The following EFCAB8 variants were observed in gnomAD, a reference collection of about 807,000 sequenced individuals.
EFCAB8 encodes the protein EF-hand calcium binding domain 8, also known as EF-hand calcium-binding domain-containing protein 8.
In EFCAB8, 100 loss-of-function variants were observed where a neutral mutation model predicts 116.3. The observed-to-expected ratio is 0.86, with a 90% CI of 0.73 to 1.02. The LOEUF is 1.02. Ranked by LOEUF, EFCAB8 falls within the 50% of genes least tolerant of loss-of-function variation. The pLI is 0.00. For synonymous variants in EFCAB8, 558 were observed against 567.9 expected, an observed-to-expected ratio of 0.98 and a Z score of 0.25; for missense variants, 1,320 against 1,416.9, an observed-to-expected ratio of 0.93 and a Z score of 1.10.
intron 7 of EFCAB8, among the ~76,000 whole-genome samples, chr20:32,889,958 G>A (rs1985831115): frequency 1.4e-5 from 2 of 146,662 alleles, no homozygotes; most frequent in Non-Finnish European, 3.0e-5. Context: ...CTGAGATCGC[G>A]CCATTGCACT....
chr20:32,878,763 C>G lies in EFCAB8; in HGVS notation c.387C>G (p.Ser129Arg), dbSNP rs1335365475. The stretch of plus-strand genomic sequence containing the variant: ...AGGGAAAAGAGGACATGCGAAAGAG[C>G]CAGTACCGCCTGCACTTCTACCTTC... ...EFQGKEDMRK[S>R]QYRLHFYLPM... Residue 129 changes from serine (S) to arginine (R), a missense_variant, in exon 5 of 27, where the codon AGC becomes AGG. Transcript: ENST00000400522. 6.4e-7 allele frequency: 1 copy of G among 1,552,062 alleles called. No individual in the cohort carries two copies. The highest frequency in any genetic ancestry group is 2.0e-5 in the Admixed American group (1 of 50,996).
At chr20:32,921,636 C>T (rs1041352656) in intron 20 of EFCAB8, among the ~76,000 whole-genome samples, 1 of 151,134 alleles carries the variant, frequency 6.6e-6, no homozygotes, top group East Asian at 1.9e-4. Flanking sequence ...ATATCTCACT[C>T]ACCCTATCCC....
chr20:32,900,508 G>A (rs898810876), intron 11 of EFCAB8, among the ~76,000 whole-genome samples: 4 of 151,812 alleles, frequency 2.6e-5, no homozygotes, highest in African/African-American at 7.3e-5. Flanking sequence ...CTACAGGCAC[G>A]TGCCCCCGTG....
At chr20:32,900,404 AGGCT>A (rs1386924491) in intron 11 of EFCAB8, among the ~76,000 whole-genome samples, 1 of 152,092 alleles carries the variant, frequency 6.6e-6, no homozygotes, top group Non-Finnish European at 1.5e-5. Context: ...TTGTGTCACC[AGGCT>A]GGAGTGCAGT....
At chr20:32,939,047 TTC>T (rs1176147315) in intron 22 of EFCAB8, among the ~76,000 whole-genome samples, 5 of 128,488 alleles carry the variant, frequency 3.9e-5, no homozygotes, top group African/African-American at 8.5e-5. Flanking sequence ...CTTCCTTCGT[TTC>T]TCTCTTTCTT....
chr20:32,939,200 T>C (rs866657587), intron 22 of EFCAB8, among the ~76,000 whole-genome samples: 169 of 73,986 alleles, frequency 2.3e-3, no homozygotes, highest in Non-Finnish European at 3.8e-3. Context: ...TCTTTCTTTC[T>C]TTCCTCTCTC....
intron 9 of EFCAB8, among the ~76,000 whole-genome samples, chr20:32,894,096 G>A (rs1175826772): frequency 6.6e-6 from 1 of 152,190 alleles, no homozygotes; most frequent in African/African-American, 2.4e-5. Flanking sequence ...GGCCGCCTAG[G>A]GAACTCATCT....
chr20:32,950,690 A>G (rs1988771252), intron 23 of EFCAB8, among the ~76,000 whole-genome samples: 1 of 152,064 alleles, frequency 6.6e-6, no homozygotes, highest in Non-Finnish European at 1.5e-5. Context: ...TCCCTATCTT[A>G]GTGCACCTGA....
At chr20:32,939,010 C>CTCCT (rs1283182066) in intron 22 of EFCAB8, among the ~76,000 whole-genome samples, 45 of 111,646 alleles carry the variant, frequency 4.0e-4, no homozygotes, top group African/African-American at 1.7e-3. Context: ...CCCTCCTTCC[C>CTCCT]TCCTTCCCTC....
chr20:32,917,800 C>T (rs986353558), intron 18 of EFCAB8, among the ~76,000 whole-genome samples: 4 of 152,222 alleles, frequency 2.6e-5, no homozygotes, highest in Non-Finnish European at 4.4e-5. Context: ...GCTGGTCCTC[C>T]ATCTTTAGTA....
At chr20:32,892,340 A>G in intron 8 of EFCAB8, 43 bp downstream of exon 8, 3 of 1,516,424 alleles carry the variant, frequency 2.0e-6, no homozygotes, top group Non-Finnish European at 2.7e-6. Context: ...CAGGAGGCCC[A>G]GGCCTCCTGC....
intron 23 of EFCAB8, among the ~76,000 whole-genome samples, chr20:32,956,960 T>C (rs199937241): frequency 1.6e-5 from 2 of 128,784 alleles, no homozygotes; most frequent in Non-Finnish European, 3.4e-5. Context: ...TTTTTTTTCA[T>C]TTTTTTTCAA....
intron 14 of EFCAB8, among the ~76,000 whole-genome samples, chr20:32,908,840 G>T (rs538275465): frequency 6.6e-6 from 1 of 152,344 alleles, no homozygotes; most frequent in South Asian, 2.1e-4. Context: ...CGTCCGAGCA[G>T]CATCTCTGCA....
In EFCAB8 at chr20:32,961,195, T is replaced by C. The variant is rs771918253; in HGVS notation, c.3453T>C (p.Pro1151=). The stretch of plus-strand genomic sequence containing the variant: ...GTGATCTGATGCCGACTCAGCAGCC[T>C]GACTTCCTGACCAGCAGGGGCCCAG... ...HFSDLMPTQQ[P]DFLTSRGPDQ... The change falls in exon 27 of 27, where the codon CCT becomes CCC. Residue 1151 remains proline (P), a synonymous_variant. Coordinates refer to ENST00000400522, the MANE Select transcript of EFCAB8 (RefSeq NM_001143967.2). 1 of 1,552,284 alleles carries C rather than the reference T, an allele frequency of 6.4e-7. No individual in the cohort carries two copies. The highest frequency in any genetic ancestry group is 8.7e-7 in the Non-Finnish European group (1 of 1,147,104).
At position 32,961,593 on chromosome 20, in the gene EFCAB8, C is replaced by A. The variant is rs919642770; in HGVS notation, c.3851C>A (p.Ser1284Tyr). The A allele has an allele frequency of 3.7e-6, 5 of 1,344,226 alleles. No individual in the cohort carries two copies. Among genetic ancestry groups the A allele is most frequent in the Middle Eastern group, 3.8e-4 (2 of 5,218 alleles). 83.3% of individuals were successfully genotyped at this position (1,344,226 alleles called of 1,614,324 possible). ...ATFMSSVKGS[S>Y]HVRF ...TTCATGTCCTCTGTGAAGGGGAGCT[C>A]CCATGTCAGGTTCTGAGGTGCTCCG... Residue 1284 changes from serine (S) to tyrosine (Y), a missense_variant, in exon 27 of 27, where the codon TCC (serine) becomes TAC (tyrosine). Physicochemically the swap from Ser to Tyr is moderately radical, Grantham distance 144. Transcript: ENST00000400522.
At chr20:32,926,616 C>T (rs1236282873) in intron 20 of EFCAB8, among the ~76,000 whole-genome samples, 2 of 148,088 alleles carry the variant, frequency 1.4e-5, no homozygotes, top group Admixed American at 6.8e-5. Flanking sequence ...CCCACTAACT[C>T]GTCATTTAGC....
At chr20:32,950,019 A>AAAC (rs148478000) in intron 23 of EFCAB8, among the ~76,000 whole-genome samples, 30 of 151,566 alleles carry the variant, frequency 2.0e-4, no homozygotes, top group Non-Finnish European at 2.9e-4. Flanking sequence ...CAAAACAACA[A>AAAC]AACAACAACA....
intron 5 of EFCAB8, among the ~76,000 whole-genome samples, chr20:32,884,620 C>T (rs925190277): frequency 6.6e-6 from 1 of 152,178 alleles, no homozygotes; most frequent in African/African-American, 2.4e-5. Flanking sequence ...AGGGTCAGAC[C>T]AGGCCTACCG....
intron 2 of EFCAB8, among the ~76,000 whole-genome samples, chr20:32,866,474 C>T (rs1984406431): frequency 6.7e-6 from 1 of 150,064 alleles, no homozygotes; most frequent in African/African-American, 2.5e-5. Context: ...GTATCAGTCT[C>T]ATGGAGGGGT....
Sources: allele counts gnomAD v4.1 joint callset (sites outside exome capture counted in the v4.1 genomes callset), GRCh38; gene constraint gnomAD v4.1.1; transcripts MANE v1.5; gene names NCBI Gene and HGNC (gene_info 2026-07-23, HGNC 2026-07-21).